WDR70: variants seen among roughly 807,000 people sequenced by gnomAD.
WDR70 encodes the protein WD repeat-containing protein 70.
In WDR70, 53 loss-of-function variants were observed where a neutral mutation model predicts 88.6. That is an observed-to-expected ratio of 0.60 (90% CI 0.48 to 0.75). The LOEUF is 0.75. WDR70 is among the 30% of genes least tolerant of loss of function. The pLI is 0.00. For synonymous variants in WDR70, 280 were observed against 270.0 expected (o/e 1.04, Z -0.36); for missense variants, 610 against 823.2 (o/e 0.74, Z 3.17).
chr5:37,724,707 A>G, intron 15 of WDR70: 1 of 484,978 alleles, frequency 2.1e-6, no homozygotes, highest in East Asian at 3.5e-5. Context: ...TTCCATGACA[A>G]TATTTGACAG....
chr5:37,381,282 A>G (rs1347574297), intron 2 of WDR70, among the ~76,000 whole-genome samples: 1 of 152,224 alleles, frequency 6.6e-6, no homozygotes, highest in African/African-American at 2.4e-5. Flanking sequence ...TCCCTATTTA[A>G]AAGTCCATAA....
chr5:37,698,917 A>G (rs576464540), intron 11 of WDR70, among the ~76,000 whole-genome samples: 8 of 152,330 alleles, frequency 5.3e-5, no homozygotes, highest in Non-Finnish European at 1.2e-4. Flanking sequence ...GCAAATGTGG[A>G]TATGTATAAA....
intron 7 of WDR70, among the ~76,000 whole-genome samples, chr5:37,451,732 A>G (rs537270999): frequency 6.6e-6 from 1 of 152,318 alleles, no homozygotes; most frequent in South Asian, 2.1e-4. Context: ...GTGGTGGCTC[A>G]CGGCTGTAAT....
At chr5:37,686,115 C>T (rs530746417) in intron 10 of WDR70, among the ~76,000 whole-genome samples, 31 of 151,800 alleles carry the variant, frequency 2.0e-4, no homozygotes, top group South Asian at 4.2e-4. Flanking sequence ...ACCAGCTGGG[C>T]GACAAAGTGA....
chr5:37,689,394 C>G (rs542627392), intron 10 of WDR70, among the ~76,000 whole-genome samples: 1 of 152,224 alleles, frequency 6.6e-6, no homozygotes, highest in Admixed American at 6.5e-5. Flanking sequence ...AAGTTGGTTC[C>G]TAACCCCTGT....
intron 10 of WDR70, among the ~76,000 whole-genome samples, chr5:37,630,540 G>C (rs930043061): frequency 6.6e-6 from 1 of 152,140 alleles, no homozygotes; most frequent in African/African-American, 2.4e-5. Context: ...CCACCTGGCA[G>C]AGGGCATGCA....
intron 10 of WDR70, among the ~76,000 whole-genome samples, chr5:37,677,846 A>C (rs1268550253): frequency 2.0e-5 from 3 of 152,122 alleles, no homozygotes; most frequent in Non-Finnish European, 4.4e-5. Context: ...AAAGTCTCCC[A>C]TTATTATTGT....
At chr5:37,711,923 A>G (rs1043394316) in intron 13 of WDR70, among the ~76,000 whole-genome samples, 1 of 151,042 alleles carries the variant, frequency 6.6e-6, no homozygotes, top group African/African-American at 2.4e-5. Context: ...CACCTTCTCA[A>G]GTTTTTATTT....
chr5:37,513,072 G>T (rs976975207), intron 8 of WDR70, among the ~76,000 whole-genome samples: 3 of 152,084 alleles, frequency 2.0e-5, no homozygotes, highest in African/African-American at 7.2e-5. Context: ...ATGTAAGGTT[G>T]ATTTGTTCCT....
rs140383817 is a variant in WDR70, at chr5:37,528,907, G to GTTTTTTTTTTTTTTT, written c.917+12317_917+12318insTTTTTTTTTTTTTTT. Among the ~76,000 whole-genome samples the GTTTTTTTTTTTTTTT allele has an allele frequency of 3.1e-5, 4 of 130,704 alleles. 1 individual carries two copies. Among genetic ancestry groups the GTTTTTTTTTTTTTTT allele is most frequent in the Non-Finnish European group, 3.2e-5 (2 of 61,886 alleles). 85.7% of individuals were successfully genotyped at this position (130,704 alleles called of 152,430 possible). A position where few individuals can be genotyped will look rare whatever the true frequency, so the allele number is the denominator to read the frequency against. ...TTTGCCTAAGCCAATGTCTAGAGGG[G>GTTTTTTTTTTTTTTT]GTTTTTTTTTTTTTTTGATGTTATC... On this transcript the variant is annotated intron_variant, in intron 9 of 17. Transcript: ENST00000265107.
At position 37,738,479 on chromosome 5, in the gene WDR70, C is replaced by G. The variant is rs190845712; in HGVS notation, c.1877+11434C>G. On this transcript the variant is annotated intron_variant, in intron 17 of 17. Coordinates refer to ENST00000265107, the MANE Select transcript of WDR70 (RefSeq NM_018034.4). Reference sequence around the variant, plus strand: ...TGAAAACATTTTGTTACAGTGAAGACGACTTCACTCTGGCCTGAGTGCTAG... The same window carrying G: ...TGAAAACATTTTGTTACAGTGAAGAGGACTTCACTCTGGCCTGAGTGCTAG... 3.5e-3 allele frequency among the ~76,000 whole-genome samples: 540 copies of G among 152,268 alleles called. 4 individuals carry two copies. The highest frequency in any genetic ancestry group is 9.6e-3 in the Admixed American group (146 of 15,286).
intron 10 of WDR70, chr5:37,687,969 T>G (rs964067913): frequency 1.4e-6 from 1 of 690,178 alleles, no homozygotes; most frequent in Non-Finnish European, 2.7e-6. Context: ...ACACTGAAGT[T>G]TGTGTGATGT....
At chr5:37,522,992 C>G (rs1057163530) in intron 9 of WDR70, among the ~76,000 whole-genome samples, 10 of 152,208 alleles carry the variant, frequency 6.6e-5, no homozygotes, top group African/African-American at 2.2e-4. Context: ...GAAGCTTAAA[C>G]TGGGTGGAGC....
intron 7 of WDR70, among the ~76,000 whole-genome samples, chr5:37,474,003 A>G (rs1434847739): frequency 1.3e-5 from 2 of 152,158 alleles, no homozygotes; most frequent in African/African-American, 4.8e-5. Flanking sequence ...TACTTTAGCT[A>G]TATGTCACAA....
intron 9 of WDR70, among the ~76,000 whole-genome samples, chr5:37,544,847 T>A (rs929520957): frequency 2.6e-5 from 4 of 152,164 alleles, no homozygotes; most frequent in African/African-American, 9.7e-5. Flanking sequence ...TCTCATAAGC[T>A]TTTGCTGGAA....
At chr5:37,453,569 G>A (rs1367571240) in intron 7 of WDR70, among the ~76,000 whole-genome samples, 3 of 152,174 alleles carry the variant, frequency 2.0e-5, no homozygotes, top group Non-Finnish European at 4.4e-5. Flanking sequence ...ACCTTCCAGC[G>A]TGGGCATTAT....
chr5:37,401,427 TGCCTCA>T (rs1190372163), intron 5 of WDR70, among the ~76,000 whole-genome samples: 1 of 151,346 alleles, frequency 6.6e-6, no homozygotes, highest in African/African-American at 2.4e-5. Flanking sequence ...GCAATTCTCC[TGCCTCA>T]GCCTCCTGAG....
At chr5:37,694,828 T>G (rs1466716835) in intron 10 of WDR70, among the ~76,000 whole-genome samples, 1 of 139,460 alleles carries the variant, frequency 7.2e-6, no homozygotes, top group East Asian at 2.1e-4. Flanking sequence ...ACATGTACCC[T>G]ATAACTTAAA....
intron 6 of WDR70, among the ~76,000 whole-genome samples, chr5:37,442,302 G>A (rs1257238380): frequency 2.0e-5 from 3 of 151,268 alleles, no homozygotes; most frequent in South Asian, 2.1e-4. Context: ...CTCCCAAAGC[G>A]CTGGGATTAC....
Sources: allele counts gnomAD v4.1 joint callset (sites outside exome capture counted in the v4.1 genomes callset), GRCh38; gene constraint gnomAD v4.1.1; transcripts MANE v1.5; gene names NCBI Gene and HGNC (gene_info 2026-07-23, HGNC 2026-07-21).